FAM163A: variants seen among roughly 807,000 people sequenced by gnomAD.
FAM163A encodes family with sequence similarity 163 member A.
In FAM163A, 7 loss-of-function variants were observed where a neutral mutation model predicts 12.0. The ratio of observed to expected loss-of-function variants is 0.58; its 90% CI spans 0.33 to 1.10. FAM163A has a LOEUF of 1.10. Ranked by LOEUF, FAM163A falls within the 50% of genes least tolerant of loss-of-function variation. The pLI, the probability that FAM163A is intolerant of heterozygous loss-of-function variation, is 0.03. For synonymous variants in FAM163A, 101 were observed against 91.0 expected (o/e 1.11, Z -0.62); for missense variants, 202 against 218.6 (o/e 0.92, Z 0.48).
At chr1:179,782,517 T>C (rs1689933209) in intron 1 of FAM163A, among the ~76,000 whole-genome samples, 1 of 142,680 alleles carries the variant, frequency 7.0e-6, no homozygotes, top group Non-Finnish European at 1.6e-5. Flanking sequence ...CTGGTAAGGC[T>C]GGCCTGGTGG....
chr1:179,794,071 C>T (rs965545111), intron 1 of FAM163A, among the ~76,000 whole-genome samples: 9 of 152,222 alleles, frequency 5.9e-5, no homozygotes, highest in African/African-American at 2.2e-4. Flanking sequence ...GGAGGACACT[C>T]CAGGCCAGGA....
At chr1:179,777,268 A>C (rs1689109069) in intron 1 of FAM163A, among the ~76,000 whole-genome samples, 1 of 152,220 alleles carries the variant, frequency 6.6e-6, no homozygotes, top group South Asian at 2.1e-4. Flanking sequence ...TTTAAACATG[A>C]ATTTATGTCA....
intron 1 of FAM163A, among the ~76,000 whole-genome samples, chr1:179,792,694 G>A (rs776530894): frequency 1.1e-4 from 16 of 152,004 alleles, no homozygotes; most frequent in Non-Finnish European, 2.1e-4. Flanking sequence ...ATAAAATGGA[G>A]CTGATGATCT....
At chr1:179,810,173 G>A (rs1210223340) in intron 2 of FAM163A, among the ~76,000 whole-genome samples, 10 of 152,150 alleles carry the variant, frequency 6.6e-5, no homozygotes, top group Non-Finnish European at 1.3e-4. Flanking sequence ...TATAGTGGAG[G>A]AGTCAAGATG....
At chr1:179,782,311 A>G (rs1321356681) in intron 1 of FAM163A, among the ~76,000 whole-genome samples, 1 of 151,980 alleles carries the variant, frequency 6.6e-6, no homozygotes, top group African/African-American at 2.4e-5. Context: ...GAATTAGCCA[A>G]TGTAGAGGGG....
the FAM163A span, among the ~76,000 whole-genome samples, chr1:179,736,134 G>C: frequency 6.6e-6 from 1 of 152,148 alleles, no homozygotes; most frequent in Non-Finnish European, 1.5e-5. Flanking sequence ...TGATTTCTTG[G>C]ATGTGACACC....
At chr1:179,776,537 G>A (rs999474795) in intron 1 of FAM163A, among the ~76,000 whole-genome samples, 6 of 150,756 alleles carry the variant, frequency 4.0e-5, no homozygotes, top group East Asian at 1.9e-4. Flanking sequence ...CTTTACTGCC[G>A]TAGCATTCAC....
At chr1:179,757,945 A>G (rs977515850) in intron 1 of FAM163A, among the ~76,000 whole-genome samples, 1 of 152,274 alleles carries the variant, frequency 6.6e-6, no homozygotes, top group African/African-American at 2.4e-5. Context: ...GTTTGAGCCT[A>G]GACAACTGAA....
chr1:179,747,324 C>T (rs892553940), intron 1 of FAM163A, among the ~76,000 whole-genome samples: 1 of 152,202 alleles, frequency 6.6e-6, no homozygotes, highest in African/African-American at 2.4e-5. Context: ...CGGCTCAGTT[C>T]CCCCTACTTC....
At chr1:179,765,937 C>G (rs1245442064) in intron 1 of FAM163A, among the ~76,000 whole-genome samples, 1 of 152,290 alleles carries the variant, frequency 6.6e-6, no homozygotes, top group Non-Finnish European at 1.5e-5. Context: ...AGAGAGTGAC[C>G]TTGCCTAGGA....
the FAM163A span, among the ~76,000 whole-genome samples, chr1:179,728,008 G>A: frequency 6.6e-6 from 1 of 151,534 alleles, no homozygotes; most frequent in Non-Finnish European, 1.5e-5. Context: ...TGGGAAATGA[G>A]ATGATGTTAG....
At chr1:179,793,789 G>A (rs1691867361) in intron 1 of FAM163A, among the ~76,000 whole-genome samples, 1 of 152,220 alleles carries the variant, frequency 6.6e-6, no homozygotes, top group African/African-American at 2.4e-5. Flanking sequence ...TGGAGGCCCC[G>A]TTGCTGTCCT....
At chr1:179,780,485 C>G (rs1208299929) in intron 1 of FAM163A, among the ~76,000 whole-genome samples, 2 of 152,188 alleles carry the variant, frequency 1.3e-5, no homozygotes, top group African/African-American at 2.4e-5. Flanking sequence ...GCTCGGTGAT[C>G]GTTCTTCCTT....
chr1:179,788,922 G>A (rs1691035137), intron 1 of FAM163A, among the ~76,000 whole-genome samples: 1 of 152,172 alleles, frequency 6.6e-6, no homozygotes, highest in South Asian at 2.1e-4. Flanking sequence ...CTGTGGTGCT[G>A]TGCCCAGGGC....
intron 1 of FAM163A, among the ~76,000 whole-genome samples, chr1:179,754,453 A>G (rs879773180): frequency 1.1e-4 from 16 of 152,246 alleles, no homozygotes; most frequent in Admixed American, 9.2e-4. Flanking sequence ...CTGATAAGAT[A>G]AATGTTGCAA....
At chr1:179,785,709 C>G (rs1690516088) in intron 1 of FAM163A, among the ~76,000 whole-genome samples, 2 of 152,126 alleles carry the variant, frequency 1.3e-5, no homozygotes, top group Admixed American at 1.3e-4. Flanking sequence ...TTATTCCAGG[C>G]TTTTTAATAG....
intron 1 of FAM163A, among the ~76,000 whole-genome samples, chr1:179,800,619 G>A (rs546990469): frequency 7.9e-5 from 12 of 152,292 alleles, no homozygotes; most frequent in East Asian, 1.9e-4. Flanking sequence ...TTTTCTCTCC[G>A]CGTCCCCTCC....
At chr1:179,795,519 C>T (rs1692168110) in intron 1 of FAM163A, among the ~76,000 whole-genome samples, 1 of 152,244 alleles carries the variant, frequency 6.6e-6, no homozygotes, top group Admixed American at 6.5e-5. Flanking sequence ...CACTCCCTTG[C>T]TCACTCACCT....
chr1:179,736,002 A>G, the FAM163A span, among the ~76,000 whole-genome samples: 2 of 152,256 alleles, frequency 1.3e-5, no homozygotes, highest in African/African-American at 4.8e-5. Context: ...TGAACCCATT[A>G]TCTTACACCA....
Sources: gnomAD v4.1 joint callset for allele counts (sites outside exome capture counted in the v4.1 genomes callset) on GRCh38, gnomAD v4.1.1 for gene constraint, MANE v1.5 for transcripts, NCBI Gene and HGNC (gene_info 2026-07-23, HGNC 2026-07-21) for gene names.